The following CCNE1 variants were observed in gnomAD, a reference collection of about 807,000 sequenced individuals.
CCNE1 encodes the protein cyclin E1, also known as G1/S-specific cyclin-E1.
A neutral mutation model predicts 54.1 loss-of-function variants in CCNE1; 8 were observed. The ratio of observed to expected loss-of-function variants is 0.15; its 90% CI spans 0.09 to 0.27. CCNE1 has a LOEUF of 0.27. CCNE1 is among the 10% of genes least tolerant of loss of function. The pLI, the probability that CCNE1 is intolerant of heterozygous loss-of-function variation, is 1.00. For synonymous variants in CCNE1, 179 were observed against 185.2 expected (o/e 0.97, Z 0.27); for missense variants, 430 against 514.9 (o/e 0.84, Z 1.60).
intron 4 of CCNE1, among the ~76,000 whole-genome samples, chr19:29,816,875 A>G (rs1050626291): frequency 8.4e-6 from 1 of 119,526 alleles, no homozygotes; most frequent in Non-Finnish European, 1.6e-5. Context: ...TTGATCTTTT[A>G]TACTAATGAA....
chr19:29,821,955 T>G (rs767100977), intron 8 of CCNE1, 41 bp from the exon 9 acceptor site: 1 of 1,593,036 alleles, frequency 6.3e-7, no homozygotes, highest in Non-Finnish European at 8.6e-7. Flanking sequence ...TTGAACTTCT[T>G]TTCTCAATCA....
intron 6 of CCNE1, among the ~76,000 whole-genome samples, chr19:29,820,283 G>C (rs182608077): frequency 4.7e-4 from 71 of 152,336 alleles, no homozygotes; most frequent in African/African-American, 1.7e-3. Context: ...GGGCACAGTG[G>C]CTCATCCCTA....
intron 2 of CCNE1, 26 bp from the exon 3 acceptor site, chr19:29,812,663 C>T (rs774282682): frequency 3.8e-6 from 6 of 1,570,128 alleles, no homozygotes; most frequent in Middle Eastern, 1.8e-4. Flanking sequence ...GGTGCTCACC[C>T]GGCCCGGTGC....
At position 29,817,210 on chromosome 19, in the gene CCNE1, G is replaced by A. The variant is rs777793550; in HGVS notation, c.254G>A (p.Arg85Gln). Residue 85 changes from arginine (R) to glutamine (Q), a missense_variant, in exon 5 of 12, where the codon CGG becomes CAG. This residue lies in a region of CCNE1 where 303 missense variants were observed against 401.1 expected (regional missense o/e 0.76). Coordinates refer to ENST00000262643, the MANE Select transcript of CCNE1 (RefSeq NM_001238.4). Reference protein sequence around the residue: ...IPTPDKEDDDRVYPNSTCKPR... With the variant: ...IPTPDKEDDDQVYPNSTCKPR... ...ACACCTGACAAAGAAGATGATGACC[G>A]GGTTTACCCAAACTCAACGTGCAAG... 65 of 1,614,002 alleles carry A rather than the reference G, an allele frequency of 4.0e-5. No homozygotes were observed. The South Asian group carries it at 5.1e-4, about 13-fold the overall frequency.
intron 6 of CCNE1, among the ~76,000 whole-genome samples, chr19:29,818,461 A>T (rs1000640438): frequency 6.6e-5 from 10 of 152,054 alleles, no homozygotes; most frequent in Non-Finnish European, 1.3e-4. Context: ...TGCCCAGCTA[A>T]ATTGCTTTTA....
Position 29,822,593 on chromosome 19 carries a change from T to G in CCNE1, c.1100T>G (p.Leu367Trp). 1 of 1,608,544 alleles carries G rather than the reference T, an allele frequency of 6.2e-7. No homozygotes were observed. Residue 367 changes from leucine to tryptophan, a missense_variant, in exon 11 of 12, where the codon TTG becomes TGG. Leu to Trp is a moderately conservative substitution (Grantham distance 61). Around this residue, in one of 2 missense-constraint regions of CCNE1, gnomAD observed 303 missense variants for 401.1 expected, o/e 0.76. Coordinates refer to ENST00000262643, the MANE Select transcript of CCNE1 (RefSeq NM_001238.4). Reference protein sequence around the residue: ...AHNIQTHRDSLDLLDKARAKK... With the variant: ...AHNIQTHRDSWDLLDKARAKK... ...AACATACAGACCCACAGAGACAGCT[T>G]GGATTTGCTGGTCAGTGCTGCTCCT...
At chr19:29,818,465 G>A (rs1430133360) in intron 6 of CCNE1, among the ~76,000 whole-genome samples, 2 of 152,010 alleles carry the variant, frequency 1.3e-5, no homozygotes, top group Non-Finnish European at 2.9e-5. Flanking sequence ...CAGCTAAATT[G>A]CTTTTAAATG....
chr19:29,823,181 C>T (rs1309869297), intron 11 of CCNE1, among the ~76,000 whole-genome samples: 1 of 152,040 alleles, frequency 6.6e-6, no homozygotes, highest in Non-Finnish European at 1.5e-5. Flanking sequence ...GAGGCCAAGG[C>T]AGAAGGACTG....
chr19:29,819,537 C>T (rs985880010), intron 6 of CCNE1, among the ~76,000 whole-genome samples: 5 of 152,218 alleles, frequency 3.3e-5, no homozygotes, highest in Admixed American at 2.6e-4. Flanking sequence ...ATGCCTTGGC[C>T]TCCCAAAGTG....
chr19:29,822,683 C>T (rs1007964188), intron 11 of CCNE1, 80 bp downstream of exon 11: 19 of 1,433,884 alleles, frequency 1.3e-5, no homozygotes, highest in Non-Finnish European at 1.7e-5. Context: ...GTGGTTCAGG[C>T]CTGTAAACCC....
rs1974224124 is a variant in CCNE1, at chr19:29,824,158, G to A, written c.*381G>A. The A allele has an allele frequency of 3.7e-6, 1 of 268,524 alleles. No individual in the cohort carries two copies. The highest frequency in any genetic ancestry group is 1.5e-4 in the South Asian group (1 of 6,770). The allele number at this position is 268,524 out of a possible 1,614,324, so 16.6% of individuals were successfully genotyped here. ...GTTGTACCAAGTGGAGCAGGTGGTT[G>A]CGGGCAAGCGTTGTGCAGAGCCCAT... On this transcript the variant is annotated 3_prime_UTR_variant, in exon 12 of 12. Transcript: ENST00000262643.
At chr19:29,821,175 G>C (rs1402462275) in intron 7 of CCNE1, among the ~76,000 whole-genome samples, 1 of 152,136 alleles carries the variant, frequency 6.6e-6, no homozygotes, top group Non-Finnish European at 1.5e-5. Context: ...AAGGCAGCTG[G>C]GTCACTTGAG....
intron 6 of CCNE1, among the ~76,000 whole-genome samples, chr19:29,818,310 G>A (rs1260157298): frequency 1.3e-5 from 2 of 152,274 alleles, no homozygotes; most frequent in East Asian, 3.9e-4. Context: ...ACAGGCGTGA[G>A]CCACCGCACC....
rs1973899686 is a variant in CCNE1, at chr19:29,812,109, C to A, written c.-68C>A. 1 of 149,592 alleles carries A rather than the reference C, an allele frequency of 6.7e-6. No homozygotes were observed. Among genetic ancestry groups the A allele is most frequent in the African/African-American group, 2.4e-5 (1 of 40,910 alleles). The allele number at this position is 149,592 out of a possible 1,614,324, so 9.3% of individuals were successfully genotyped here. A position where few individuals can be genotyped will look rare whatever the true frequency, so the allele number is the denominator to read the frequency against. On this transcript the variant is annotated 5_prime_UTR_variant, in exon 1 of 12. Transcript: ENST00000262643. ...GCCGCCACTGCCGTCGCCGCCGCCGCCTGCCGGGACTGGAGCGCGCCGTCC... is the reference window on the plus strand; with the variant it reads ...GCCGCCACTGCCGTCGCCGCCGCCGACTGCCGGGACTGGAGCGCGCCGTCC...
rs577392030 is a variant in CCNE1, at chr19:29,824,160, G to A, written c.*383G>A. 3.4e-5 allele frequency: 9 copies of A among 267,980 alleles called. No homozygotes were observed. The highest frequency in any genetic ancestry group is 2.7e-4 in the East Asian group (5 of 18,384). 16.6% of individuals were successfully genotyped at this position (267,980 alleles called of 1,614,324 possible). A position where few individuals can be genotyped will look rare whatever the true frequency, so the allele number is the denominator to read the frequency against. ...TGTACCAAGTGGAGCAGGTGGTTGC[G>A]GGCAAGCGTTGTGCAGAGCCCATAG... is the stretch of plus-strand genomic sequence containing the variant. On this transcript the variant is annotated 3_prime_UTR_variant, in exon 12 of 12. Coordinates refer to ENST00000262643, the MANE Select transcript of CCNE1 (RefSeq NM_001238.4).
At chr19:29,823,108 A>AT (rs368149591) in intron 11 of CCNE1, among the ~76,000 whole-genome samples, 2 of 151,658 alleles carry the variant, frequency 1.3e-5, no homozygotes, top group Non-Finnish European at 1.5e-5. Context: ...GCTCTTTGAT[A>AT]TTTTTTTTTC....
At chr19:29,817,857 C>CTTTTTTTTTTTTTTTT (rs34598025) in intron 6 of CCNE1, among the ~76,000 whole-genome samples, 2 of 95,910 alleles carry the variant, frequency 2.1e-5, no homozygotes, top group African/African-American at 8.4e-5. Flanking sequence ...CATTAAATTG[C>CTTTTTTTTTTTTTTTT]TTTTTTTTTT....
At chr19:29,814,496 G>T (rs893782655) in intron 4 of CCNE1, among the ~76,000 whole-genome samples, 10 of 152,132 alleles carry the variant, frequency 6.6e-5, no homozygotes, top group Admixed American at 3.3e-4. Context: ...CCCACTAGAA[G>T]GCATTTTCGT....
rs763083338 is a variant in CCNE1 at position 29,812,767 on chromosome 19, C to G, written c.102C>G (p.Asn34Lys). 1.3e-6 allele frequency: 2 copies of G among 1,591,886 alleles called. No individual in the cohort carries two copies. Among genetic ancestry groups the G allele is most frequent in the East Asian group, 2.3e-5 (1 of 44,108 alleles). ...FSARSRKRKA[N>K]VTVFLQDPDE... The stretch of plus-strand genomic sequence containing the variant: ...CTCGCTCCAGGAAGAGGAAGGCAAA[C>G]GTGACCGTTGTGAGTACAAAAGAGA... Residue 34 changes from asparagine to lysine, a missense_variant, in exon 3 of 12, where the codon AAC (asparagine) becomes AAG (lysine). Asn to Lys is a moderately conservative substitution (Grantham distance 94). Around this residue, in one of 2 missense-constraint regions of CCNE1, gnomAD observed 127 missense variants for 113.8 expected, o/e 1.12. Transcript: ENST00000262643.
Sources: gnomAD v4.1 joint callset for allele counts (sites outside exome capture counted in the v4.1 genomes callset) on GRCh38, gnomAD v4.1.1 for gene constraint, gnomAD v4.1.1 regional missense constraint, MANE v1.5 for transcripts, NCBI Gene and HGNC (gene_info 2026-07-23, HGNC 2026-07-21) for gene names.